The following PTK2 variants were observed in gnomAD, a reference collection of about 807,000 sequenced individuals.
PTK2 encodes protein tyrosine kinase 2.
In PTK2, 45 loss-of-function variants were observed where a neutral mutation model predicts 150.1. The ratio of observed to expected loss-of-function variants is 0.30; its 90% CI spans 0.24 to 0.38. PTK2 has a LOEUF of 0.38. PTK2 is among the 10% of genes least tolerant of loss of function. The probability of loss-of-function intolerance (pLI) is 1.00; values close to 1 mark genes in which losing one functional copy is unlikely to be tolerated. For missense variants in PTK2, 919 were observed against 1,307.3 expected (o/e 0.70, Z 4.58); for synonymous variants, 432 against 449.2 (o/e 0.96, Z 0.48).
intron 24 of PTK2, 137 bp downstream of exon 27, chr8:140,705,982 G>GT: frequency 1.6e-6 from 1 of 632,200 alleles, no homozygotes; most frequent in Non-Finnish European, 2.6e-6. Flanking sequence ...AATGATTAGG[G>GT]TAACCACTTT....
chr8:140,959,447 G>A (rs1052629051), intron 1 of PTK2, among the ~76,000 whole-genome samples: 4 of 149,540 alleles, frequency 2.7e-5, no homozygotes, highest in Non-Finnish European at 5.9e-5. Flanking sequence ...GCTGAGGTAA[G>A]AGAATGGCGT....
chr8:140,731,170 G>T (rs2100049082), intron 22 of PTK2, among the ~76,000 whole-genome samples: 1 of 152,030 alleles, frequency 6.6e-6, no homozygotes, highest in South Asian at 2.1e-4. Context: ...ATGTTGGCCA[G>T]GTTTGTCTCG....
At chr8:140,842,517 T>C (rs919258612) in intron 7 of PTK2, among the ~76,000 whole-genome samples, 1 of 152,012 alleles carries the variant, frequency 6.6e-6, no homozygotes, top group African/African-American at 2.4e-5. Context: ...CATATATAGG[T>C]AGGTATCACC....
At chr8:140,954,795 T>C (rs1181388073) in intron 1 of PTK2, 1 of 152,132 alleles carries the variant, frequency 6.6e-6, no homozygotes, top group African/African-American at 2.4e-5. Flanking sequence ...TTTAAAAAAA[T>C]ACTTCTAATT....
intron 14 of PTK2, chr8:140,771,208 C>A (rs186286157): frequency 3.3e-5 from 5 of 153,022 alleles, no homozygotes; most frequent in African/African-American, 9.7e-5. Flanking sequence ...AAGAGTTTTA[C>A]GAACAACTTT....
At chr8:140,659,225 G>A (rs945930077) in exon 32 of PTK2, 12 of 496,624 alleles carry the variant, frequency 2.4e-5, no homozygotes, top group African/African-American at 1.4e-4. Flanking sequence ...TTAGAAAAAC[G>A]CCACATTTTG....
intron 2 of PTK2, among the ~76,000 whole-genome samples, chr8:140,922,349 G>A (rs1446283164): frequency 6.6e-6 from 1 of 151,770 alleles, no homozygotes; most frequent in East Asian, 1.9e-4. Flanking sequence ...GAAGAAAGGG[G>A]CTCCAGAAAA....
intron 1 of PTK2, among the ~76,000 whole-genome samples, chr8:140,959,564 G>GT (rs1325405584): frequency 1.4e-5 from 2 of 148,010 alleles, no homozygotes; most frequent in African/African-American, 5.0e-5. Flanking sequence ...AAAAAGTAGT[G>GT]TAAGAGTGAT....
At chr8:140,813,004 T>C (rs954311990) in intron 10 of PTK2, among the ~76,000 whole-genome samples, 1 of 152,124 alleles carries the variant, frequency 6.6e-6, no homozygotes, top group Non-Finnish European at 1.5e-5. Flanking sequence ...ATATTCATGA[T>C]TTGAATTCAA....
chr8:140,919,430 A>G (rs1483560680), intron 2 of PTK2, among the ~76,000 whole-genome samples: 3 of 152,212 alleles, frequency 2.0e-5, no homozygotes, highest in African/African-American at 4.8e-5. Context: ...AGTCACACTG[A>G]ATAAAAAGAA....
At position 140,670,532 on chromosome 8, in the gene PTK2, CACACACAT is replaced by C. The variant is rs1324397300; in HGVS notation, c.2710-2116_2710-2109del. ...ACACACACACACACACACACACACA[CACACACAT>C]TGGGAGCTTATTTTAAAAACAAAAA... is the stretch of plus-strand genomic sequence containing the variant. On this transcript the variant is annotated intron_variant, in intron 29 of 31. Transcript: ENST00000522684. Among the ~76,000 whole-genome samples, 461 of 120,686 alleles carry C rather than the reference CACACACAT, an allele frequency of 3.8e-3. 22 individuals are homozygous for C. Among genetic ancestry groups the C allele is most frequent in the African/African-American group, 0.014 (431 of 31,490 alleles). 79.2% of individuals were successfully genotyped at this position (120,686 alleles called of 152,430 possible). A position where few individuals can be genotyped will look rare whatever the true frequency, so the allele number is the denominator to read the frequency against.
chr8:140,723,899 T>C (rs2100044363), intron 22 of PTK2, among the ~76,000 whole-genome samples: 1 of 152,260 alleles, frequency 6.6e-6, no homozygotes, highest in Admixed American at 6.5e-5. Flanking sequence ...AATAAAATCA[T>C]TGAAGTGATC....
chr8:140,695,894 T>C (rs1369428316), intron 26 of PTK2, among the ~76,000 whole-genome samples: 1 of 152,196 alleles, frequency 6.6e-6, no homozygotes, highest in Admixed American at 6.5e-5. Context: ...AAAGGTCCCC[T>C]GTGACTTTTA....
chr8:140,915,033 C>CAACA (rs2100164698), intron 2 of PTK2, among the ~76,000 whole-genome samples: 1 of 53,088 alleles, frequency 1.9e-5, no homozygotes, highest in Non-Finnish European at 3.4e-5. Context: ...AACTCCAACT[C>CAACA]AAAAAAAAAA....
intron 27 of PTK2, among the ~76,000 whole-genome samples, chr8:140,679,696 T>C (rs778851837): frequency 2.6e-4 from 39 of 152,216 alleles, no homozygotes; most frequent in Non-Finnish European, 3.7e-4. Context: ...TCAACCTGTG[T>C]ATTAAAGTCT....
chr8:140,904,831 G>T (rs2100160222), intron 2 of PTK2, among the ~76,000 whole-genome samples: 1 of 152,106 alleles, frequency 6.6e-6, no homozygotes, highest in South Asian at 2.1e-4. Flanking sequence ...ATTTCTGTGG[G>T]ATCAGTGGTG....
chr8:140,952,048 A>T (rs914167594), intron 1 of PTK2, among the ~76,000 whole-genome samples: 2 of 152,068 alleles, frequency 1.3e-5, no homozygotes, highest in African/African-American at 4.8e-5. Context: ...CTGCTATGGA[A>T]CTGTCTTGTG....
intron 23 of PTK2, among the ~76,000 whole-genome samples, chr8:140,714,395 ATTGT>A (rs1361918761): frequency 6.6e-6 from 1 of 152,002 alleles, no homozygotes; most frequent in Non-Finnish European, 1.5e-5. Flanking sequence ...AAGCAAAGGG[ATTGT>A]TTAAGCCCAG....
At chr8:140,866,354 C>T (rs1210975282) in intron 4 of PTK2, among the ~76,000 whole-genome samples, 1 of 152,200 alleles carries the variant, frequency 6.6e-6, no homozygotes, top group Non-Finnish European at 1.5e-5. Flanking sequence ...ATTCTCTTAA[C>T]ATCCAGCATT....
Sources: allele counts gnomAD v4.1 joint callset (sites outside exome capture counted in the v4.1 genomes callset), GRCh38; gene constraint gnomAD v4.1.1; transcripts MANE v1.5; gene names NCBI Gene and HGNC (gene_info 2026-07-23, HGNC 2026-07-21).